CHSY1: variants seen among roughly 807,000 people sequenced by gnomAD.
The protein encoded by CHSY1 is N-acetylgalactosaminyl-proteoglycan 3-beta-glucuronosyltransferase 1.
A neutral mutation model predicts 59.8 loss-of-function variants in CHSY1; 13 were observed. The observed-to-expected ratio is 0.22, with a 90% CI of 0.14 to 0.35. The LOEUF (loss-of-function observed/expected upper bound fraction) is 0.35. CHSY1 is among the 10% of genes least tolerant of loss of function. The probability of loss-of-function intolerance (pLI) is 1.00; values close to 1 mark genes in which losing one functional copy is unlikely to be tolerated. For missense variants in CHSY1, 947 were observed against 1,030.6 expected, an observed-to-expected ratio of 0.92 and a Z score of 1.11; for synonymous variants, 459 against 401.2, an observed-to-expected ratio of 1.14 and a Z score of -1.72.
At chr15:101,217,826 G>GT (rs1327681339) in intron 2 of CHSY1, among the ~76,000 whole-genome samples, 1 of 152,188 alleles carries the variant, frequency 6.6e-6, no homozygotes, top group Non-Finnish European at 1.5e-5. Context: ...GAAGGAGAGT[G>GT]TAACTCCCCA....
intron 2 of CHSY1, among the ~76,000 whole-genome samples, chr15:101,182,375 T>C (rs969591441): frequency 4.6e-5 from 7 of 152,196 alleles, no homozygotes; most frequent in African/African-American, 1.4e-4. Flanking sequence ...AAGCCTACAT[T>C]TGCACCAGCT....
chr15:101,178,901 T>C lies in CHSY1; in HGVS notation c.896A>G (p.Gln299Arg). 6.2e-7 allele frequency: 1 copy of C among 1,614,140 alleles called. No homozygotes were observed. Among genetic ancestry groups the C allele is most frequent in the Non-Finnish European group, 8.5e-7 (1 of 1,179,982 alleles). ...IRDLHNSKIH[Q>R]AITLHPNKNP... ...TTTGTTGGGGTGTAATGTGATAGCT[T>C]GGTGAATTTTACTGTTATGGAGATC... Residue 299 changes from glutamine to arginine, a missense_variant, in exon 3 of 3, where the codon CAA (glutamine) becomes CGA (arginine). Gln to Arg is a conservative substitution (Grantham distance 43). Transcript: ENST00000254190.
intron 2 of CHSY1, among the ~76,000 whole-genome samples, chr15:101,192,735 C>T (rs1318354901): frequency 2.5e-5 from 2 of 81,094 alleles, no homozygotes; most frequent in African/African-American, 1.1e-4. Flanking sequence ...TGATGTATTC[C>T]CTTAATAAAC....
chr15:101,249,383 C>CAA (rs10593437), intron 1 of CHSY1, among the ~76,000 whole-genome samples: 4 of 115,106 alleles, frequency 3.5e-5, no homozygotes, highest in South Asian at 2.9e-4. Flanking sequence ...TTTCTCTGGT[C>CAA]AAAAAAAAAA....
At chr15:101,209,924 C>T (rs548438374) in intron 2 of CHSY1, among the ~76,000 whole-genome samples, 3 of 152,282 alleles carry the variant, frequency 2.0e-5, no homozygotes, top group Admixed American at 6.5e-5. Context: ...AAAAAGTATA[C>T]AAGTGCCTTA....
At chr15:101,203,671 T>C (rs1028016135) in intron 2 of CHSY1, among the ~76,000 whole-genome samples, 2 of 152,188 alleles carry the variant, frequency 1.3e-5, no homozygotes, top group Non-Finnish European at 2.9e-5. Context: ...AGATCAAAGT[T>C]AACACTGCCT....
At chr15:101,181,162 A>G (rs1051750308) in intron 2 of CHSY1, among the ~76,000 whole-genome samples, 37 of 152,136 alleles carry the variant, frequency 2.4e-4, no homozygotes, top group African/African-American at 7.7e-4. Context: ...GTAACTGCGC[A>G]GGCCACCAGA....
chr15:101,208,089 A>G (rs753382043), intron 2 of CHSY1, among the ~76,000 whole-genome samples: 6 of 152,252 alleles, frequency 3.9e-5, no homozygotes, highest in Non-Finnish European at 7.3e-5. Flanking sequence ...ACTGTCAAAT[A>G]AAGCAATTAC....
At chr15:101,216,197 C>T (rs1427388422) in intron 2 of CHSY1, among the ~76,000 whole-genome samples, 1 of 140,550 alleles carries the variant, frequency 7.1e-6, no homozygotes, top group Non-Finnish European at 1.5e-5. Flanking sequence ...AATGAGACAC[C>T]GCTATATAAC....
chr15:101,243,833 T>C (rs918839591), intron 1 of CHSY1, among the ~76,000 whole-genome samples: 1 of 152,200 alleles, frequency 6.6e-6, no homozygotes, highest in African/African-American at 2.4e-5. Context: ...TGTGTCTGGA[T>C]CCGTGTGCGC....
At chr15:101,183,053 A>AG (rs1428239502) in intron 2 of CHSY1, among the ~76,000 whole-genome samples, 1 of 152,252 alleles carries the variant, frequency 6.6e-6, no homozygotes, top group Non-Finnish European at 1.5e-5. Flanking sequence ...CGAAAATCAG[A>AG]GGAAAAAACC....
Position 101,251,348 on chromosome 15 carries a change from C to T in CHSY1, c.109G>A (p.Ala37Thr), listed in dbSNP as rs940704653. ...VLPRASELKR[A>T]GPRRRASPEG... Reference sequence around the variant, plus strand: ...GGGCTGGCGCGGCGCCGTGGGCCCGCTCGCTTCAGCTCGGAAGCCCGGGGC... The same window carrying T: ...GGGCTGGCGCGGCGCCGTGGGCCCGTTCGCTTCAGCTCGGAAGCCCGGGGC... The change falls in exon 1 of 3, where the codon GCG (alanine) becomes ACG (threonine). Residue 37 changes from alanine (A) to threonine (T), a missense_variant. By Grantham distance (58) the Ala-to-Thr change is moderately conservative. This residue lies in a region of CHSY1 where 232 missense variants were observed against 188.5 expected (regional missense o/e 1.23). Coordinates refer to ENST00000254190, the MANE Select transcript of CHSY1 (RefSeq NM_014918.5). 8.7e-7 allele frequency: 1 copy of T among 1,144,662 alleles called. No homozygotes were observed. Among genetic ancestry groups the T allele is most frequent in the Non-Finnish European group, 1.1e-6 (1 of 915,922 alleles). 70.9% of individuals were successfully genotyped at this position (1,144,662 alleles called of 1,614,324 possible). A position where few individuals can be genotyped will look rare whatever the true frequency, so the allele number is the denominator to read the frequency against.
intron 2 of CHSY1, among the ~76,000 whole-genome samples, chr15:101,213,382 TG>T (rs1413433943): frequency 7.0e-6 from 1 of 142,214 alleles, no homozygotes; most frequent in African/African-American, 2.6e-5. Context: ...ATTAGACAAA[TG>T]GTAGAGGAAG....
chr15:101,188,630 G>A (rs938215333), intron 2 of CHSY1, among the ~76,000 whole-genome samples: 4 of 152,008 alleles, frequency 2.6e-5, no homozygotes, highest in Non-Finnish European at 2.9e-5. Flanking sequence ...AATGAGTCCT[G>A]AATGGTTACT....
rs141347944 is a variant in CHSY1, at chr15:101,215,691, C to T, written c.816+19391G>A. ...TGGAGGCTGCAGTGAGCTGAGACTG[C>T]ACCGCTGCACTCCAGCCTGGGCAAC... On this transcript the variant is annotated intron_variant, in intron 2 of 2. Transcript: ENST00000254190. Among the ~76,000 whole-genome samples the T allele has an allele frequency of 5.9e-5, 9 of 152,358 alleles. No homozygotes were observed. The East Asian group carries it at 1.7e-3, about 29-fold the overall frequency.
chr15:101,194,525 C>T (rs2038484677), intron 2 of CHSY1, among the ~76,000 whole-genome samples: 1 of 152,196 alleles, frequency 6.6e-6, no homozygotes, highest in South Asian at 2.1e-4. Context: ...TAATTTTGCC[C>T]TTATGTTCCT....
chr15:101,223,263 A>C (rs2038808709), intron 2 of CHSY1, among the ~76,000 whole-genome samples: 1 of 152,174 alleles, frequency 6.6e-6, no homozygotes, highest in South Asian at 2.1e-4. Context: ...CCAAAGTGCT[A>C]GGATGACATG....
At chr15:101,236,339 G>C (rs539816581) in intron 1 of CHSY1, among the ~76,000 whole-genome samples, 107 of 152,294 alleles carry the variant, frequency 7.0e-4, no homozygotes, top group African/African-American at 2.6e-3. Context: ...AGTGGATCAC[G>C]GGGGCAGCTT....
chr15:101,243,169 C>T (rs1465332889), intron 1 of CHSY1, among the ~76,000 whole-genome samples: 1 of 152,120 alleles, frequency 6.6e-6, no homozygotes, highest in Non-Finnish European at 1.5e-5. Context: ...CCCTTTGAGC[C>T]CAGGTTCACG....
Sources: allele counts gnomAD v4.1 joint callset (sites outside exome capture counted in the v4.1 genomes callset), GRCh38; gene constraint gnomAD v4.1.1; regional missense constraint gnomAD v4.1.1; transcripts MANE v1.5; gene names NCBI Gene and HGNC (gene_info 2026-07-23, HGNC 2026-07-21).